Variants in LIN28B observed in about 807,000 individuals in gnomAD.
The protein encoded by LIN28B is protein lin-28 homolog B.
Under a neutral mutation model 21.9 loss-of-function variants are expected in LIN28B, and 5 were observed. That is an observed-to-expected ratio of 0.23 (90% CI 0.12 to 0.48). LIN28B has a LOEUF of 0.48. Among genes scored for constraint, LIN28B ranks in the 20% least tolerant of loss-of-function variants. The pLI is 0.98. For missense variants in LIN28B, 245 were observed against 310.5 expected (o/e 0.79, Z 1.58); for synonymous variants, 109 against 111.3 (o/e 0.98, Z 0.13).
chr6:105,023,990 G>T (rs923046447), intron 2 of LIN28B, among the ~76,000 whole-genome samples: 2 of 149,676 alleles, frequency 1.3e-5, no homozygotes, highest in Admixed American at 6.7e-5. Flanking sequence ...TTGTTTGGTT[G>T]TTTTTTTTTG....
chr6:104,944,322 A>C (rs566210217), intron 2 of LIN28B, among the ~76,000 whole-genome samples: 3 of 152,254 alleles, frequency 2.0e-5, no homozygotes, highest in East Asian at 3.9e-4. Context: ...AGATTTTAAA[A>C]ACCCGTTTAA....
At chr6:105,068,440 A>AT (rs1379197548) in intron 3 of LIN28B, among the ~76,000 whole-genome samples, 1 of 152,106 alleles carries the variant, frequency 6.6e-6, no homozygotes, top group Non-Finnish European at 1.5e-5. Context: ...GTAGTTGATA[A>AT]TTTTTTTTAA....
intron 2 of LIN28B, among the ~76,000 whole-genome samples, chr6:105,009,217 C>T (rs1770875843): frequency 6.6e-6 from 1 of 151,938 alleles, no homozygotes; most frequent in South Asian, 2.1e-4. Context: ...CCTGGTGGTA[C>T]CAAGTTTTGT....
At chr6:104,956,035 C>T (rs1778284567), upstream of LIN28B, among the ~76,000 whole-genome samples, 2 of 152,112 alleles carry the variant, frequency 1.3e-5, no homozygotes, top group African/African-American at 4.8e-5. Context: ...GTTTATTCAA[C>T]TCTTCTAGCC....
intron 2 of LIN28B, among the ~76,000 whole-genome samples, chr6:105,020,932 T>C (rs932008135): frequency 4.0e-5 from 6 of 151,806 alleles, no homozygotes; most frequent in African/African-American, 1.5e-4. Flanking sequence ...TTTTTTTGTA[T>C]TTTTAGTAGA....
intron 2 of LIN28B, among the ~76,000 whole-genome samples, chr6:104,959,333 G>A (rs1769671441): frequency 6.6e-6 from 1 of 152,150 alleles, no homozygotes; most frequent in African/African-American, 2.4e-5. Flanking sequence ...ACTACAGATT[G>A]ACTGACAGAT....
chr6:104,988,765 G>A (rs1254674678), intron 2 of LIN28B, among the ~76,000 whole-genome samples: 1 of 152,060 alleles, frequency 6.6e-6, no homozygotes, highest in Non-Finnish European at 1.5e-5. Context: ...TTTTAGTAGA[G>A]ATGGAGTTTC....
At chr6:105,069,359 GTTA>G (rs982876384) in intron 3 of LIN28B, among the ~76,000 whole-genome samples, 8 of 152,324 alleles carry the variant, frequency 5.3e-5, no homozygotes, top group South Asian at 2.1e-4. Flanking sequence ...AATTAAAAGA[GTTA>G]TTATGGGAAA....
rs556618725 is a variant in LIN28B at position 104,991,385 on chromosome 6, C to T, written c.198+33099C>T. On this transcript the variant is annotated intron_variant, in intron 2 of 3. Coordinates refer to ENST00000345080, the MANE Select transcript of LIN28B (RefSeq NM_001004317.4). The stretch of plus-strand genomic sequence containing the variant: ...CTCACCTCCCAGACGGGGTCGCGGC[C>T]GGGCAGAGGCGCTCCTCACATCCCA... 8.0e-4 allele frequency among the ~76,000 whole-genome samples: 121 copies of T among 151,058 alleles called. 1 individual carries two copies. The South Asian group carries it at 0.021, about 26-fold the overall frequency.
intron 2 of LIN28B, among the ~76,000 whole-genome samples, chr6:105,005,610 T>G (rs1223949608): frequency 6.6e-6 from 1 of 152,162 alleles, no homozygotes; most frequent in Non-Finnish European, 1.5e-5. Flanking sequence ...CTTGGCTCTC[T>G]CTCTCTCTCT....
intron 2 of LIN28B, among the ~76,000 whole-genome samples, chr6:104,971,718 T>C (rs1403691855): frequency 6.6e-6 from 1 of 152,190 alleles, no homozygotes; most frequent in African/African-American, 2.4e-5. Context: ...TCCTCTACAA[T>C]TGAATGTTTC....
At chr6:105,052,054 G>A (rs576778454) in intron 3 of LIN28B, among the ~76,000 whole-genome samples, 8 of 152,264 alleles carry the variant, frequency 5.3e-5, no homozygotes, top group African/African-American at 1.9e-4. Flanking sequence ...ATGACGTAAG[G>A]GAACAAGCCT....
intron 2 of LIN28B, among the ~76,000 whole-genome samples, chr6:104,988,436 ATTTT>A (rs375793832): frequency 2.4e-5 from 3 of 126,496 alleles, no homozygotes; most frequent in Admixed American, 7.9e-5. Flanking sequence ...AAAGATTTGT[ATTTT>A]TTTTTTTTTT....
intron 3 of LIN28B, among the ~76,000 whole-genome samples, chr6:105,053,698 GGTGTGTGTGTGGGTGC>G (rs1257311629): frequency 3.8e-4 from 40 of 104,794 alleles, no homozygotes; most frequent in African/African-American, 1.2e-3. Context: ...TTGTTTGTAT[GGTGTGTGTGTGGGTGC>G]GTGTGTGTGT....
chr6:105,055,496 G>T (rs1232053873), intron 3 of LIN28B, among the ~76,000 whole-genome samples: 1 of 152,156 alleles, frequency 6.6e-6, no homozygotes, highest in African/African-American at 2.4e-5. Context: ...GGTTGCATGT[G>T]CACAGGTTGA....
At chr6:104,962,438 A>G (rs1048398193) in intron 2 of LIN28B, among the ~76,000 whole-genome samples, 1 of 152,034 alleles carries the variant, frequency 6.6e-6, no homozygotes, top group Non-Finnish European at 1.5e-5. Flanking sequence ...GGATAATTCA[A>G]ATGCCCACAT....
intron 3 of LIN28B, among the ~76,000 whole-genome samples, chr6:105,073,241 T>C (rs1772366479): frequency 6.6e-6 from 1 of 152,192 alleles, no homozygotes; most frequent in South Asian, 2.1e-4. Flanking sequence ...AGGAATGTTA[T>C]TAGTATCATT....
chr6:105,009,400 C>G (rs553074091), intron 2 of LIN28B, among the ~76,000 whole-genome samples: 1 of 152,242 alleles, frequency 6.6e-6, no homozygotes, highest in South Asian at 2.1e-4. Flanking sequence ...GTTTCAAAAT[C>G]ACTCTTTCAG....
chr6:104,942,493 T>C (rs1778108248), intron 2 of LIN28B, among the ~76,000 whole-genome samples: 1 of 152,130 alleles, frequency 6.6e-6, no homozygotes, highest in Non-Finnish European at 1.5e-5. Flanking sequence ...CCAATTTGTA[T>C]GAAAAAATAA....
Sources: allele counts gnomAD v4.1 joint callset (sites outside exome capture counted in the v4.1 genomes callset), GRCh38; gene constraint gnomAD v4.1.1; transcripts MANE v1.5; gene names NCBI Gene and HGNC (gene_info 2026-07-23, HGNC 2026-07-21).